ROCK1: variants seen among roughly 807,000 people sequenced by gnomAD.
The protein encoded by ROCK1 is rho-associated protein kinase 1.
A neutral mutation model predicts 196.8 loss-of-function variants in ROCK1; 36 were observed. The observed-to-expected ratio is 0.18, with a 90% CI of 0.14 to 0.24. The LOEUF is 0.24. Ranked by LOEUF, ROCK1 falls within the 10% of genes least tolerant of loss-of-function variation. The pLI is 1.00. For synonymous variants in ROCK1, 443 were observed against 515.9 expected (o/e 0.86, Z 1.91); for missense variants, 920 against 1,562.0 (o/e 0.59, Z 6.93).
intron 5 of ROCK1, among the ~76,000 whole-genome samples, chr18:21,044,527 G>A (rs1598541444): frequency 1.3e-5 from 2 of 152,150 alleles, no homozygotes; most frequent in South Asian, 4.1e-4. Flanking sequence ...AAAACCCCAC[G>A]GCAGGGTCTA....
chr18:21,075,714 G>A (rs1188444700), intron 1 of ROCK1, among the ~76,000 whole-genome samples: 1 of 152,046 alleles, frequency 6.6e-6, no homozygotes, highest in East Asian at 1.9e-4. Context: ...AGTACTTTGG[G>A]AGGCCGAGGC....
At chr18:21,001,787 T>C (rs1028055286) in intron 16 of ROCK1, among the ~76,000 whole-genome samples, 57 of 148,122 alleles carry the variant, frequency 3.8e-4, no homozygotes, top group African/African-American at 1.4e-3. Flanking sequence ...AGAAAAGAAA[T>C]ACATGGGAGG....
chr18:20,961,933 T>C (rs1395528889), intron 27 of ROCK1, among the ~76,000 whole-genome samples: 3 of 151,372 alleles, frequency 2.0e-5, no homozygotes, highest in Non-Finnish European at 4.4e-5. Flanking sequence ...CTGGCTTTAA[T>C]TGCTGCAATT....
chr18:21,011,256 T>C (rs1268915450), intron 13 of ROCK1, among the ~76,000 whole-genome samples: 1 of 152,182 alleles, frequency 6.6e-6, no homozygotes, highest in African/African-American at 2.4e-5. Context: ...TGTCTTTCTG[T>C]GGGTTACCTG....
At chr18:20,991,814 T>C (rs1039071764) in intron 17 of ROCK1, among the ~76,000 whole-genome samples, 3 of 151,860 alleles carry the variant, frequency 2.0e-5, no homozygotes, top group African/African-American at 7.3e-5. Context: ...TTTAAGCATT[T>C]TTTTGTAGAG....
At chr18:21,063,492 G>GAGA (rs59291875) in intron 2 of ROCK1, among the ~76,000 whole-genome samples, 30,613 of 151,836 alleles carry the variant, frequency 0.2, 6,857 homozygotes, top group African/African-American at 0.56. Flanking sequence ...AAGTCTTATG[G>GAGA]AGGTGTCATG....
intron 9 of ROCK1, among the ~76,000 whole-genome samples, chr18:21,038,865 T>C (rs1335825242): frequency 6.6e-6 from 1 of 152,234 alleles, no homozygotes; most frequent in East Asian, 1.9e-4. Flanking sequence ...AGCTATGTTG[T>C]AGAGTTTTCT....
rs763280401 is a variant in ROCK1, at chr18:21,049,863, T to C, written c.193A>G (p.Lys65Glu). Residue 65 changes from lysine (K) to glutamate (E), a missense_variant, in exon 3 of 33, where the codon AAA becomes GAA. Coordinates refer to ENST00000399799, the MANE Select transcript of ROCK1 (RefSeq NM_005406.3). ...GCTTTCATTCGTAAATCTCTGATTT[T>C]ATTTATTGTGTCTTTATCTGTATGA... Reference protein sequence around the residue: ...FLSRYKDTINKIRDLRMKAED... With the variant: ...FLSRYKDTINEIRDLRMKAED... 3.8e-6 allele frequency: 6 copies of C among 1,597,180 alleles called. No individual in the cohort carries two copies. Among genetic ancestry groups the C allele is most frequent in the South Asian group, 1.1e-5 (1 of 89,634 alleles).
In ROCK1 at chr18:20,947,896, G is replaced by C. The variant is rs1355795587; in HGVS notation, c.*3488C>G. 6.6e-6 allele frequency: 1 copy of C among 151,826 alleles called. No homozygotes were observed. The highest frequency in any genetic ancestry group is 1.5e-5 in the Non-Finnish European group (1 of 67,942). The allele number at this position is 151,826 out of a possible 1,614,324, so 9.4% of individuals were successfully genotyped here. A position where few individuals can be genotyped will look rare whatever the true frequency, so the allele number is the denominator to read the frequency against. On this transcript the variant is annotated 3_prime_UTR_variant, in exon 33 of 33. Transcript: ENST00000399799. ...GCCAAGGTGGGTGTGGATCACCTGA[G>C]GTCAGGAGTTCAAGACCAGGCTGGC... is the stretch of plus-strand genomic sequence containing the variant.
At chr18:21,087,590 T>C (rs2036537837) in intron 1 of ROCK1, among the ~76,000 whole-genome samples, 1 of 152,160 alleles carries the variant, frequency 6.6e-6, no homozygotes, top group South Asian at 2.1e-4. Flanking sequence ...TGGAAAATTA[T>C]ATGATCACAA....
intron 1 of ROCK1, among the ~76,000 whole-genome samples, chr18:21,072,329 CCTTT>C (rs1298806110): frequency 1.3e-5 from 2 of 152,104 alleles, no homozygotes; most frequent in African/African-American, 2.4e-5. Context: ...AACTTGTGTG[CCTTT>C]ATTAGGGAAA....
At chr18:21,006,919 C>A in intron 14 of ROCK1, 129 bp from the exon 15 acceptor site, 1 of 563,298 alleles carries the variant, frequency 1.8e-6, no homozygotes, top group Non-Finnish European at 3.0e-6. Context: ...ACTCCCAAAG[C>A]CAAATTCCAA....
intron 2 of ROCK1, among the ~76,000 whole-genome samples, chr18:21,063,916 T>C (rs1249845175): frequency 2.0e-5 from 3 of 151,938 alleles, no homozygotes; most frequent in African/African-American, 7.3e-5. Context: ...GGGAACTCCA[T>C]CATTCTCCAA....
intron 10 of ROCK1, among the ~76,000 whole-genome samples, chr18:21,028,343 G>C (rs2035978506): frequency 1.3e-5 from 2 of 151,824 alleles, no homozygotes; most frequent in Admixed American, 6.6e-5. Flanking sequence ...TTGAACCCAG[G>C]AGGTGGAGGT....
chr18:20,962,935 A>G (rs944667598), intron 27 of ROCK1, among the ~76,000 whole-genome samples: 1 of 152,090 alleles, frequency 6.6e-6, no homozygotes, highest in African/African-American at 2.4e-5. Context: ...GCAAGATAAT[A>G]TACTTACCAG....
intron 10 of ROCK1, among the ~76,000 whole-genome samples, chr18:21,028,147 G>A (rs1222260576): frequency 6.6e-6 from 1 of 150,934 alleles, no homozygotes; most frequent in African/African-American, 2.4e-5. Flanking sequence ...GCCAGGCACG[G>A]TGGGTCACGC....
intron 27 of ROCK1, among the ~76,000 whole-genome samples, chr18:20,961,680 CT>C (rs769644692): frequency 5.9e-5 from 9 of 152,098 alleles, no homozygotes; most frequent in Admixed American, 5.9e-4. Context: ...TTTTTTTCCC[CT>C]ACTCCCACCA....
chr18:20,987,494 A>G (rs977454216), intron 18 of ROCK1, among the ~76,000 whole-genome samples: 7 of 152,202 alleles, frequency 4.6e-5, no homozygotes, highest in Admixed American at 1.3e-4. Context: ...TATACCCTGC[A>G]TTGTTCCAGA....
chr18:20,989,625 T>C (rs1362101103), intron 18 of ROCK1, among the ~76,000 whole-genome samples: 1 of 152,200 alleles, frequency 6.6e-6, no homozygotes, highest in Non-Finnish European at 1.5e-5. Context: ...GTCTCTGTTT[T>C]AAGATGGGAG....
Sources: gnomAD v4.1 joint callset for allele counts (sites outside exome capture counted in the v4.1 genomes callset) on GRCh38, gnomAD v4.1.1 for gene constraint, MANE v1.5 for transcripts, NCBI Gene and HGNC (gene_info 2026-07-23, HGNC 2026-07-21) for gene names.